Variants in MCF2L2 observed in about 807,000 individuals in gnomAD.
MCF2L2 encodes probable guanine nucleotide exchange factor MCF2L2.
MCF2L2 carries 102 observed loss-of-function variants against 150.2 expected under a neutral mutation model. The ratio of observed to expected loss-of-function variants is 0.68; its 90% confidence interval spans 0.58 to 0.80. The LOEUF (loss-of-function observed/expected upper bound fraction) is 0.80. MCF2L2 is among the 30% of genes least tolerant of loss of function. MCF2L2 has a pLI of 0.00. For synonymous variants in MCF2L2, 465 were observed against 491.3 expected, an observed-to-expected ratio of 0.95 and a Z score of 0.71; for missense variants, 1,256 against 1,372.8, an observed-to-expected ratio of 0.91 and a Z score of 1.34.
chr3:183,289,757 G>A (rs1728015449), intron 13 of MCF2L2, among the ~76,000 whole-genome samples: 1 of 152,236 alleles, frequency 6.6e-6, no homozygotes, highest in South Asian at 2.1e-4. Context: ...TCGGGAGGCT[G>A]AGGCAGGAGA....
At chr3:183,416,467 C>T (rs1023366886) in intron 1 of MCF2L2, among the ~76,000 whole-genome samples, 6 of 152,036 alleles carry the variant, frequency 3.9e-5, no homozygotes, top group Non-Finnish European at 7.3e-5. Flanking sequence ...ATATACCCAA[C>T]AGTACATTAT....
In MCF2L2 at chr3:183,323,282, CT is replaced by C; in HGVS notation, c.555del (p.Thr188LeufsTer10). The part of the protein sequence containing the change: ...YIDKSQLTRE[L>X]GGTLEYRHGQ... ...CCGTGGCGATATTCCAAAGTCCCCC[CT>C]AATTCCCGGGTCAGTTGGCTTTTGT... is the stretch of plus-strand genomic sequence containing the variant. On this transcript the variant is annotated frameshift_variant, in exon 6 of 30. Transcript: ENST00000328913. LOFTEE classifies it high-confidence loss of function. 6.2e-7 allele frequency: 1 copy of C among 1,613,874 alleles called. No homozygotes were observed. The highest frequency in any genetic ancestry group is 8.5e-7 in the Non-Finnish European group (1 of 1,179,804).
intron 3 of MCF2L2, among the ~76,000 whole-genome samples, chr3:183,362,510 T>C (rs1459413796): frequency 6.6e-6 from 1 of 151,294 alleles, no homozygotes; most frequent in African/African-American, 2.4e-5. Context: ...TGGAAAGGCA[T>C]AGCTTCTGGG....
intron 3 of MCF2L2, among the ~76,000 whole-genome samples, chr3:183,364,326 C>T (rs1712391365): frequency 6.6e-6 from 1 of 151,866 alleles, no homozygotes; most frequent in Non-Finnish European, 1.5e-5. Context: ...ACCATCCTGG[C>T]TAACACGGTG....
At position 183,262,384 on chromosome 3, in the gene MCF2L2, A is replaced by G. The variant is rs112843666; in HGVS notation, c.1862+14488T>C. 1.5e-3 allele frequency among the ~76,000 whole-genome samples: 226 copies of G among 152,208 alleles called. 2 individuals are homozygous for G. The highest frequency in any genetic ancestry group is 5.3e-3 in the African/African-American group (219 of 41,520). ...GGAGTCAGGTGAGGCAGGGCTGTAT[A>G]AGTGCAGGGTTGGAGCCTGTCTTGG... On this transcript the variant is annotated intron_variant, in intron 15 of 29. Coordinates refer to ENST00000328913, the MANE Select transcript of MCF2L2 (RefSeq NM_015078.4).
At position 183,197,426 on chromosome 3, in the gene MCF2L2, A is replaced by T. The variant is rs6800128; in HGVS notation, c.2885-2171T>A. ...AGGACTGAACTTTGATCCATACCTC[A>T]CACCACATACAAATCAAAAACAGAA... On this transcript the variant is annotated intron_variant, in intron 25 of 29. Coordinates refer to ENST00000328913, the MANE Select transcript of MCF2L2 (RefSeq NM_015078.4). This position sits in a 1 kb window ranked among gnomAD's most constrained non-coding sequence, Gnocchi z 4.5. 1.1e-4 allele frequency among the ~76,000 whole-genome samples: 17 copies of T among 151,626 alleles called. No individual in the cohort carries two copies. Among genetic ancestry groups the T allele is most frequent in the Non-Finnish European group, 8.8e-5 (6 of 67,960 alleles).
intron 15 of MCF2L2, among the ~76,000 whole-genome samples, chr3:183,258,071 G>A (rs899837227): frequency 1.4e-5 from 2 of 145,308 alleles, no homozygotes; most frequent in African/African-American, 2.5e-5. Context: ...GGGTTCAAGC[G>A]ATTCTCCTGC....
intron 1 of MCF2L2, chr3:183,400,662 A>C: frequency 3.4e-6 from 1 of 292,386 alleles, no homozygotes; most frequent in South Asian, 2.9e-5. Context: ...ACAGGATTAC[A>C]GCCCCAGCAG....
chr3:183,424,505 T>C (rs144732421), intron 1 of MCF2L2, among the ~76,000 whole-genome samples: 5 of 152,368 alleles, frequency 3.3e-5, no homozygotes, highest in African/African-American at 1.2e-4. Context: ...CAAACATTTA[T>C]TCTGCATCTC....
At chr3:183,322,753 C>T (rs577285776) in intron 6 of MCF2L2, among the ~76,000 whole-genome samples, 1 of 152,194 alleles carries the variant, frequency 6.6e-6, no homozygotes, top group African/African-American at 2.4e-5. Context: ...GAGTATCGTA[C>T]CCAATAGTTC....
rs375932530 is a variant in MCF2L2 at position 183,323,290 on chromosome 3, C to T, written c.548G>A (p.Arg183Gln). The change falls in exon 6 of 30, where the codon CGG becomes CAG. Residue 183 changes from arginine to glutamine, a missense_variant. Coordinates refer to ENST00000328913, the MANE Select transcript of MCF2L2 (RefSeq NM_015078.4). ...HGYIDKSQLT[R>Q]ELGGTLEYRH... is the part of the protein sequence containing the mutation. ...ATATTCCAAAGTCCCCCCTAATTCC[C>T]GGGTCAGTTGGCTTTTGTCGATGTA... 20 of 1,613,684 alleles carry T rather than the reference C, an allele frequency of 1.2e-5. No individual in the cohort carries two copies. The highest frequency in any genetic ancestry group is 1.6e-4 in the Middle Eastern group (1 of 6,082).
chr3:183,311,685 T>C lies in MCF2L2; in HGVS notation c.841A>G (p.Asn281Asp). 1 of 1,613,912 alleles carries C rather than the reference T, an allele frequency of 6.2e-7. No homozygotes were observed. Among genetic ancestry groups the C allele is most frequent in the Non-Finnish European group, 8.5e-7 (1 of 1,179,780 alleles). The change falls in exon 8 of 30, where the codon AAT (asparagine) becomes GAT (aspartate). Residue 281 changes from asparagine (N) to aspartate (D), a missense_variant. Transcript: ENST00000328913. Reference protein sequence around the residue: ...PATKCPNSKLNLNQLENVTTM... With the variant: ...PATKCPNSKLDLNQLENVTTM... ...GTTACATTCTCAAGTTGGTTGAGAT[T>C]GAGTTTGCTGTTGGGACATTTGGTT...
chr3:183,320,393 G>A (rs968810549), intron 6 of MCF2L2, among the ~76,000 whole-genome samples: 1 of 151,928 alleles, frequency 6.6e-6, no homozygotes, highest in Non-Finnish European at 1.5e-5. Flanking sequence ...GCGCCGAGCC[G>A]AGTATAGCCA....
chr3:183,346,047 G>A (rs1730885265), intron 3 of MCF2L2, among the ~76,000 whole-genome samples: 1 of 152,066 alleles, frequency 6.6e-6, no homozygotes, highest in South Asian at 2.1e-4. Flanking sequence ...AGAAAAAGAG[G>A]GACTCCTCCC....
intron 3 of MCF2L2, among the ~76,000 whole-genome samples, chr3:183,353,487 C>T (rs767349779): frequency 7.9e-5 from 12 of 152,132 alleles, no homozygotes; most frequent in South Asian, 6.2e-4. Context: ...AATTGGTTCA[C>T]GGTTCTGCAG....
intron 2 of MCF2L2, among the ~76,000 whole-genome samples, chr3:183,381,577 G>A (rs1268905045): frequency 6.6e-6 from 1 of 152,208 alleles, no homozygotes; most frequent in Non-Finnish European, 1.5e-5. Context: ...TTAGCGCTGT[G>A]GTTTTTCTGC....
intron 4 of MCF2L2, among the ~76,000 whole-genome samples, chr3:183,340,863 A>G (rs748476710): frequency 1.3e-5 from 2 of 152,230 alleles, no homozygotes; most frequent in African/African-American, 2.4e-5. Flanking sequence ...GAATCTCTCG[A>G]ACCCGGGAGG....
intron 21 of MCF2L2, among the ~76,000 whole-genome samples, 189 bp downstream of exon 21, chr3:183,219,667 C>T (rs913853351): frequency 6.6e-6 from 1 of 151,452 alleles, no homozygotes; most frequent in Admixed American, 6.6e-5. Flanking sequence ...ATTTGGGCTG[C>T]AAATCCCTAC....
chr3:183,379,648 G>C (rs1012077715), intron 2 of MCF2L2, among the ~76,000 whole-genome samples: 6 of 152,096 alleles, frequency 3.9e-5, no homozygotes, highest in African/African-American at 1.4e-4. Context: ...CTGTGTAAAA[G>C]GAAATACTGA....
Sources: gnomAD v4.1 joint callset for allele counts (sites outside exome capture counted in the v4.1 genomes callset) on GRCh38, gnomAD v4.1.1 for gene constraint, Gnocchi (gnomAD v3.1) non-coding constraint, MANE v1.5 for transcripts, NCBI Gene and HGNC (gene_info 2026-07-23, HGNC 2026-07-21) for gene names.